The following ERC1 variants were observed in gnomAD, a reference collection of about 807,000 sequenced individuals.
ERC1 encodes RAB6 interacting protein 2.
A neutral mutation model predicts 132.0 loss-of-function variants in ERC1; 56 were observed. The ratio of observed to expected loss-of-function variants is 0.42; its 90% confidence interval spans 0.34 to 0.53. The LOEUF (loss-of-function observed/expected upper bound fraction) is 0.53. ERC1 is among the 20% of genes least tolerant of loss of function. The pLI, the probability that ERC1 is intolerant of heterozygous loss-of-function variation, is 0.03. For synonymous variants in ERC1, 478 were observed against 476.1 expected, an observed-to-expected ratio of 1.00 and a Z score of -0.05; for missense variants, 1,202 against 1,349.9, an observed-to-expected ratio of 0.89 and a Z score of 1.72.
chr12:1,379,307 T>C (rs1345503026), intron 16 of ERC1, among the ~76,000 whole-genome samples: 1 of 152,222 alleles, frequency 6.6e-6, no homozygotes, highest in Non-Finnish European at 1.5e-5. Flanking sequence ...GTAGGTGACA[T>C]TGTTGCTAAA....
chr12:1,182,413 T>G (rs1002219919), intron 10 of ERC1, among the ~76,000 whole-genome samples: 1 of 152,208 alleles, frequency 6.6e-6, no homozygotes, highest in Non-Finnish European at 1.5e-5. Flanking sequence ...GGAGGAAATT[T>G]TATGTATAGC....
At chr12:1,376,121 C>A (rs1013151297) in intron 16 of ERC1, among the ~76,000 whole-genome samples, 5 of 152,110 alleles carry the variant, frequency 3.3e-5, no homozygotes, top group African/African-American at 1.2e-4. Flanking sequence ...CAGCACATGG[C>A]GTTCCACTCC....
At chr12:1,427,561 T>C (rs2092678507) in intron 17 of ERC1, among the ~76,000 whole-genome samples, 1 of 152,156 alleles carries the variant, frequency 6.6e-6, no homozygotes, top group Non-Finnish European at 1.5e-5. Flanking sequence ...TGGCAAGATA[T>C]ATTTTCTTTT....
chr12:1,125,905 A>G (rs1307740638), intron 7 of ERC1, among the ~76,000 whole-genome samples: 2 of 152,256 alleles, frequency 1.3e-5, no homozygotes, highest in Non-Finnish European at 2.9e-5. Flanking sequence ...AAAGACAAAT[A>G]CTACATATGA....
intron 8 of ERC1, among the ~76,000 whole-genome samples, chr12:1,176,982 G>A (rs543888589): frequency 2.6e-5 from 4 of 152,320 alleles, no homozygotes; most frequent in African/African-American, 7.2e-5. Flanking sequence ...CAGCTTCTCC[G>A]TCAGCACTTG....
chr12:1,337,448 G>A (rs1349283136), intron 15 of ERC1, among the ~76,000 whole-genome samples: 2 of 151,962 alleles, frequency 1.3e-5, no homozygotes, highest in Non-Finnish European at 2.9e-5. Flanking sequence ...CATACGAAAT[G>A]GGCCTCTTGA....
chr12:1,001,931 G>A (rs933355241), intron 1 of ERC1, among the ~76,000 whole-genome samples: 1 of 136,312 alleles, frequency 7.3e-6, no homozygotes, highest in African/African-American at 2.9e-5. Context: ...CGCAATCTCT[G>A]CTTACTGCAA....
intron 12 of ERC1, among the ~76,000 whole-genome samples, chr12:1,217,505 A>G (rs1385404441): frequency 2.0e-5 from 3 of 152,144 alleles, no homozygotes; most frequent in African/African-American, 7.2e-5. Flanking sequence ...TCTCTGATTT[A>G]GGGCATTGTG....
At chr12:1,326,706 T>C (rs2082468112) in intron 15 of ERC1, among the ~76,000 whole-genome samples, 1 of 152,224 alleles carries the variant, frequency 6.6e-6, no homozygotes, top group African/African-American at 2.4e-5. Flanking sequence ...TATTTTTTAG[T>C]TTCCCTGTTT....
At chr12:1,199,807 G>A (rs7305579) in intron 12 of ERC1, among the ~76,000 whole-genome samples, 62,011 of 151,494 alleles carry the variant, frequency 0.41, 14,643 homozygotes, top group African/African-American at 0.65. Context: ...AAAGTTATGT[G>A]ATCTGTTCAT....
At chr12:1,061,422 C>T (rs550856241) in intron 2 of ERC1, among the ~76,000 whole-genome samples, 16 of 124,254 alleles carry the variant, frequency 1.3e-4, no homozygotes, top group South Asian at 5.9e-4. Flanking sequence ...ATGGTGAAAC[C>T]CTGTCTCTAC....
intron 13 of ERC1, among the ~76,000 whole-genome samples, chr12:1,261,551 C>T (rs1453371949): frequency 6.6e-6 from 1 of 152,126 alleles, no homozygotes; most frequent in Non-Finnish European, 1.5e-5. Context: ...TTTGTTTTGA[C>T]GGGCATCGTT....
At chr12:1,334,550 G>A (rs2083147721) in intron 15 of ERC1, among the ~76,000 whole-genome samples, 1 of 152,142 alleles carries the variant, frequency 6.6e-6, no homozygotes, top group African/African-American at 2.4e-5. Flanking sequence ...TTCTAGATGT[G>A]CAACCTTATT....
chr12:1,378,010 A>T (rs1309275269), intron 16 of ERC1, among the ~76,000 whole-genome samples: 1 of 152,150 alleles, frequency 6.6e-6, no homozygotes, highest in Non-Finnish European at 1.5e-5. Flanking sequence ...TTTTATTATT[A>T]ATTCTTCTCT....
intron 12 of ERC1, among the ~76,000 whole-genome samples, chr12:1,214,038 T>C (rs924665772): frequency 5.3e-5 from 8 of 152,308 alleles, no homozygotes; most frequent in African/African-American, 1.9e-4. Flanking sequence ...AGATGAAATT[T>C]CCTAAGAACA....
intron 13 of ERC1, among the ~76,000 whole-genome samples, chr12:1,243,144 G>A (rs1483812044): frequency 1.5e-5 from 2 of 137,792 alleles, no homozygotes; most frequent in Non-Finnish European, 3.2e-5. Flanking sequence ...CTGAGATTGC[G>A]CCACTGCAGT....
At chr12:1,103,197 G>A (rs924337944) in intron 3 of ERC1, among the ~76,000 whole-genome samples, 5 of 152,228 alleles carry the variant, frequency 3.3e-5, no homozygotes, top group Admixed American at 6.5e-5. Flanking sequence ...CTGGAAAGAA[G>A]TGAAGTCTTC....
chr12:1,134,188 C>T (rs1356773223), intron 7 of ERC1, among the ~76,000 whole-genome samples: 2 of 152,072 alleles, frequency 1.3e-5, no homozygotes, highest in Admixed American at 6.6e-5. Flanking sequence ...CTAGTCTCCT[C>T]GTGCACCCCC....
intron 12 of ERC1, among the ~76,000 whole-genome samples, chr12:1,193,086 C>T (rs1955889237): frequency 6.6e-6 from 1 of 152,148 alleles, no homozygotes. Flanking sequence ...GTATTCTTTG[C>T]ATTTTATAGT....
Sources: gnomAD v4.1 joint callset for allele counts (sites outside exome capture counted in the v4.1 genomes callset) on GRCh38, gnomAD v4.1.1 for gene constraint, MANE v1.5 for transcripts, NCBI Gene and HGNC (gene_info 2026-07-23, HGNC 2026-07-21) for gene names.